Variants in CLASP2 observed in about 807,000 individuals in gnomAD.
CLASP2 encodes the protein CLIP-associating protein 2.
A neutral mutation model predicts 194.4 loss-of-function variants in CLASP2; 47 were observed. That is an observed-to-expected ratio of 0.24 (90% confidence interval 0.19 to 0.31). The LOEUF is 0.31. Among genes scored for constraint, CLASP2 ranks in the 10% least tolerant of loss-of-function variants. CLASP2 has a pLI of 1.00. For missense variants in CLASP2, 1,445 were observed against 1,823.6 expected (o/e 0.79, Z 3.78); for synonymous variants, 619 against 633.5 (o/e 0.98, Z 0.34).
intron 1 of CLASP2, among the ~76,000 whole-genome samples, chr3:33,705,200 G>C (rs2092615182): frequency 6.6e-6 from 1 of 152,150 alleles, no homozygotes; most frequent in African/African-American, 2.4e-5. Flanking sequence ...GCATACAACA[G>C]AATTTTACTC....
chr3:33,717,128 C>A (rs1001805284), intron 1 of CLASP2, among the ~76,000 whole-genome samples: 12 of 152,218 alleles, frequency 7.9e-5, no homozygotes, highest in Non-Finnish European at 1.8e-4. Flanking sequence ...TTTTCCCCCC[C>A]AGCATTAGCC....
rs768575758 is a variant in CLASP2, at chr3:33,596,698, A to G, written c.1948+13T>C. The G allele has an allele frequency of 7.7e-6, 12 of 1,558,528 alleles. No homozygotes were observed. In the East Asian group the frequency reaches 2.6e-4, roughly 34 times the overall value. On this transcript the variant is annotated intron_variant, in intron 19 of 38. Coordinates refer to ENST00000682230, the MANE Select transcript of CLASP2 (RefSeq NM_001365631.1). The stretch of plus-strand genomic sequence containing the variant: ...TAAAAATCTTTAGTAGAATTAGGAA[A>G]GGAAGTTCTTACCATCCAGCTTGTC...
chr3:33,669,199 G>A (rs949710214), intron 6 of CLASP2, among the ~76,000 whole-genome samples: 1 of 152,048 alleles, frequency 6.6e-6, no homozygotes, highest in Non-Finnish European at 1.5e-5. Flanking sequence ...AGTGGTGTTG[G>A]GTCAAGTGAG....
intron 6 of CLASP2, among the ~76,000 whole-genome samples, chr3:33,666,109 A>C (rs1002738956): frequency 6.6e-6 from 1 of 152,234 alleles, no homozygotes; most frequent in Non-Finnish European, 1.5e-5. Context: ...TCCAGACTTA[A>C]AAGTTTAGAA....
chr3:33,678,802 G>A (rs557274211), intron 6 of CLASP2, among the ~76,000 whole-genome samples: 4 of 152,304 alleles, frequency 2.6e-5, no homozygotes, highest in Non-Finnish European at 4.4e-5. Context: ...TTCCACATTC[G>A]TGGATAGGAT....
intron 7 of CLASP2, among the ~76,000 whole-genome samples, chr3:33,647,352 T>C (rs2082441461): frequency 6.6e-6 from 1 of 152,128 alleles, no homozygotes; most frequent in South Asian, 2.1e-4. Context: ...CCGGGCAATT[T>C]GTTAAAAATG....
rs9826911 is a variant in CLASP2 at position 33,631,503 on chromosome 3, C to G, written c.942+789G>C. Among the ~76,000 whole-genome samples, 1,002 of 152,216 alleles carry G rather than the reference C, an allele frequency of 6.6e-3. 15 individuals carry two copies. Among genetic ancestry groups the G allele is most frequent in the African/African-American group, 0.024 (977 of 41,522 alleles). On this transcript the variant is annotated intron_variant, in intron 9 of 38. Coordinates refer to ENST00000682230, the MANE Select transcript of CLASP2 (RefSeq NM_001365631.1). ...TTGAGGTGAGGAGTTCGAGACCAGC[C>G]TGACCAACATAGTGAAACCCCGTCT...
chr3:33,708,176 A>C (rs1011754901), intron 1 of CLASP2, among the ~76,000 whole-genome samples: 1 of 152,054 alleles, frequency 6.6e-6, no homozygotes, highest in African/African-American at 2.4e-5. Flanking sequence ...TACTCATCGT[A>C]TAACAGAAAG....
chr3:33,697,480 A>C (rs917766738), intron 1 of CLASP2, among the ~76,000 whole-genome samples: 3 of 152,224 alleles, frequency 2.0e-5, no homozygotes, highest in Admixed American at 6.5e-5. Context: ...ACATTGCAAC[A>C]ATTATGACGT....
intron 35 of CLASP2, among the ~76,000 whole-genome samples, chr3:33,516,513 C>CA (rs2051356176): frequency 6.6e-6 from 1 of 151,852 alleles, no homozygotes; most frequent in African/African-American, 2.4e-5. Context: ...ACCAAAAACA[C>CA]AAAATTAGCC....
At chr3:33,667,871 A>G (rs1313768172) in intron 6 of CLASP2, among the ~76,000 whole-genome samples, 1 of 152,198 alleles carries the variant, frequency 6.6e-6, no homozygotes, top group African/African-American at 2.4e-5. Context: ...TACCACCAGA[A>G]CTTACTTTTT....
intron 34 of CLASP2, among the ~76,000 whole-genome samples, chr3:33,526,615 T>C (rs1250981848): frequency 6.6e-6 from 1 of 152,102 alleles, no homozygotes; most frequent in East Asian, 1.9e-4. Context: ...AAACTCAACA[T>C]TGGACCAAAT....
At chr3:33,518,515 C>T (rs1371665765) in intron 34 of CLASP2, among the ~76,000 whole-genome samples, 5 of 152,162 alleles carry the variant, frequency 3.3e-5, no homozygotes, top group South Asian at 2.1e-4. Flanking sequence ...CCACAGAGCA[C>T]GCTGCAGACC....
intron 7 of CLASP2, among the ~76,000 whole-genome samples, chr3:33,655,408 C>T (rs1333130307): frequency 6.6e-6 from 1 of 152,116 alleles, no homozygotes; most frequent in Non-Finnish European, 1.5e-5. Flanking sequence ...CCTTCAATGG[C>T]TACAGCAGGA....
At chr3:33,523,376 A>G (rs1275182393) in intron 34 of CLASP2, among the ~76,000 whole-genome samples, 1 of 152,218 alleles carries the variant, frequency 6.6e-6, no homozygotes, top group Non-Finnish European at 1.5e-5. Flanking sequence ...ATGATAATCA[A>G]ACTTTCAAAA....
rs118118635 is a variant in CLASP2 at position 33,578,466 on chromosome 3, C to T, written c.2348-2191G>A. On this transcript the variant is annotated intron_variant, in intron 23 of 38. Transcript: ENST00000682230. ...ACTTTAATTTAGAAAGTTATTCTTC[C>T]TCAGATATATTAGAGCAGTTAAAAT... is the stretch of plus-strand genomic sequence containing the variant. Among the ~76,000 whole-genome samples, 432 of 151,984 alleles carry T rather than the reference C, an allele frequency of 2.8e-3. 14 individuals carry two copies. The East Asian group carries it at 0.074, about 26-fold the overall frequency.
At chr3:33,613,812 C>G (rs1424750409) in intron 12 of CLASP2, among the ~76,000 whole-genome samples, 1 of 152,332 alleles carries the variant, frequency 6.6e-6, no homozygotes, top group East Asian at 1.9e-4. Context: ...ACCTACCACA[C>G]TTCTCCATTT....
At chr3:33,543,332 C>T (rs1576193685) in intron 32 of CLASP2, 101 bp downstream of exon 32, 3 of 768,202 alleles carry the variant, frequency 3.9e-6, no homozygotes. Context: ...GAGATCACAC[C>T]ACCACACTCC....
intron 7 of CLASP2, chr3:33,659,750 A>T (rs2084974319): frequency 6.6e-6 from 1 of 152,232 alleles, no homozygotes; most frequent in African/African-American, 2.4e-5. Flanking sequence ...CCCTCTATCC[A>T]AGCTGACAAC....
Sources: allele counts gnomAD v4.1 joint callset (sites outside exome capture counted in the v4.1 genomes callset), GRCh38; gene constraint gnomAD v4.1.1; transcripts MANE v1.5; gene names NCBI Gene and HGNC (gene_info 2026-07-23, HGNC 2026-07-21).